The following CELF4 variants were observed in gnomAD, a reference collection of about 807,000 sequenced individuals.
CELF4 encodes the protein CUG-BP- and ETR-3-like factor 4.
A neutral mutation model predicts 59.9 loss-of-function variants in CELF4; 18 were observed. The ratio of observed to expected loss-of-function variants is 0.30; its 90% confidence interval spans 0.21 to 0.45. CELF4 has a LOEUF of 0.45. Ranked by LOEUF, CELF4 falls within the 20% of genes least tolerant of loss-of-function variation. The pLI, the probability that CELF4 is intolerant of heterozygous loss-of-function variation, is 1.00. For synonymous variants in CELF4, 261 were observed against 267.1 expected (o/e 0.98, Z 0.22); for missense variants, 456 against 689.0 (o/e 0.66, Z 3.79).
At chr18:37,262,408 G>C (rs537182077) in intron 10 of CELF4, among the ~76,000 whole-genome samples, 6 of 152,108 alleles carry the variant, frequency 3.9e-5, no homozygotes, top group Non-Finnish European at 7.4e-5. Context: ...GTGGGGGAGG[G>C]GGGGGCAGGA....
chr18:37,438,731 T>G (rs1265519175), intron 2 of CELF4, among the ~76,000 whole-genome samples: 1 of 152,154 alleles, frequency 6.6e-6, no homozygotes, highest in Non-Finnish European at 1.5e-5. Context: ...GGCAATTAAT[T>G]TCCCCTATAA....
intron 2 of CELF4, among the ~76,000 whole-genome samples, chr18:37,372,058 T>G (rs908332532): frequency 5.3e-5 from 8 of 152,256 alleles, no homozygotes; most frequent in Admixed American, 3.3e-4. Flanking sequence ...TCAACCATTG[T>G]GGAAGACAGT....
chr18:37,391,529 G>A (rs2099161687), intron 2 of CELF4, among the ~76,000 whole-genome samples: 1 of 152,178 alleles, frequency 6.6e-6, no homozygotes, highest in Non-Finnish European at 1.5e-5. Flanking sequence ...TCCGGGCTGG[G>A]CACCCTCCAC....
At chr18:37,507,777 A>G (rs1381327686) in intron 1 of CELF4, among the ~76,000 whole-genome samples, 1 of 152,152 alleles carries the variant, frequency 6.6e-6, no homozygotes, top group Non-Finnish European at 1.5e-5. Context: ...TCTCAGACAC[A>G]CAGCCACCTG....
At chr18:37,334,005 G>T (rs1404333845) in intron 2 of CELF4, among the ~76,000 whole-genome samples, 1 of 152,088 alleles carries the variant, frequency 6.6e-6, no homozygotes, top group Non-Finnish European at 1.5e-5. Context: ...TTGATTCCCT[G>T]AATGCCCAGC....
chr18:37,409,430 T>C (rs1283150662), intron 2 of CELF4, among the ~76,000 whole-genome samples: 1 of 152,190 alleles, frequency 6.6e-6, no homozygotes, highest in Non-Finnish European at 1.5e-5. Context: ...AGACAGTTAC[T>C]GCAGAGGAGG....
intron 8 of CELF4, among the ~76,000 whole-genome samples, chr18:37,267,549 C>T (rs2078254526): frequency 1.3e-5 from 2 of 152,130 alleles, no homozygotes; most frequent in Admixed American, 6.5e-5. Flanking sequence ...GAGGATGGAG[C>T]CCTAGGATGC....
chr18:37,395,574 G>GGGGT (rs2099234015), intron 2 of CELF4, among the ~76,000 whole-genome samples: 1 of 152,224 alleles, frequency 6.6e-6, no homozygotes, highest in Non-Finnish European at 1.5e-5. Context: ...AAAACACTAA[G>GGGGT]CCCCTGAGGG....
rs1000224328 is a variant in CELF4, at chr18:37,253,428, A to AG, written c.*44+338dup. Among the ~76,000 whole-genome samples the AG allele has an allele frequency of 2.6e-5, 4 of 152,158 alleles. No individual in the cohort carries two copies. The highest frequency in any genetic ancestry group is 2.6e-4 in the Admixed American group (4 of 15,282). Reference sequence around the variant, plus strand: ...GCCTGTTCTGCCCCCAACCTCCCTCAGCCTGAGCTTGCCACCTGTTCACCC... The same window carrying AG: ...GCCTGTTCTGCCCCCAACCTCCCTCAGGCCTGAGCTTGCCACCTGTTCACCC... On this transcript the variant is annotated intron_variant, in intron 12 of 12. Transcript: ENST00000420428. This position sits in a 1 kb window ranked among gnomAD's most constrained non-coding sequence, Gnocchi z 4.5.
intron 1 of CELF4, among the ~76,000 whole-genome samples, chr18:37,505,133 CA>C (rs1227147568): frequency 6.6e-6 from 1 of 151,712 alleles, no homozygotes; most frequent in Non-Finnish European, 1.5e-5. Context: ...GAAGCAGGGG[CA>C]GGGGGCAACT....
At chr18:37,452,456 G>A (rs2099766751) in intron 2 of CELF4, among the ~76,000 whole-genome samples, 1 of 152,114 alleles carries the variant, frequency 6.6e-6, no homozygotes, top group Non-Finnish European at 1.5e-5. Context: ...GCCCTGGCAA[G>A]CAGTTTCTCT....
At chr18:37,322,108 G>C (rs1368021470) in intron 2 of CELF4, among the ~76,000 whole-genome samples, 1 of 152,264 alleles carries the variant, frequency 6.6e-6, no homozygotes, top group East Asian at 1.9e-4. Context: ...TCTCTGGACA[G>C]GAGACTTTGA....
intron 2 of CELF4, among the ~76,000 whole-genome samples, chr18:37,349,837 T>A (rs1158471686): frequency 1.3e-5 from 2 of 151,974 alleles, no homozygotes; most frequent in African/African-American, 4.8e-5. Flanking sequence ...GTGCAAAGGC[T>A]CAGAGACAGA....
chr18:37,414,009 G>A (rs1171915621), intron 2 of CELF4, among the ~76,000 whole-genome samples: 1 of 152,182 alleles, frequency 6.6e-6, no homozygotes, highest in Non-Finnish European at 1.5e-5. Flanking sequence ...CTCCAACCCA[G>A]TCTGATCACC....
At chr18:37,476,337 C>T (rs1569569575) in intron 2 of CELF4, among the ~76,000 whole-genome samples, 1 of 152,362 alleles carries the variant, frequency 6.6e-6, no homozygotes, top group East Asian at 1.9e-4. Context: ...CACCATTAAA[C>T]ACACTGTGCT....
chr18:37,503,287 A>G (rs898347952), intron 1 of CELF4, among the ~76,000 whole-genome samples: 4 of 152,214 alleles, frequency 2.6e-5, no homozygotes, highest in Non-Finnish European at 4.4e-5. Flanking sequence ...TTCCAGGAGC[A>G]CTTGCAGCCA....
intron 3 of CELF4, among the ~76,000 whole-genome samples, chr18:37,309,090 G>A (rs747697167): frequency 7.2e-5 from 11 of 152,170 alleles, no homozygotes; most frequent in Non-Finnish European, 1.5e-4. Flanking sequence ...TATGTGGGGT[G>A]GGGGCATGAG....
intron 1 of CELF4, among the ~76,000 whole-genome samples, chr18:37,521,900 C>T (rs569237794): frequency 2.0e-4 from 30 of 152,208 alleles, no homozygotes; most frequent in Non-Finnish European, 3.5e-4. Flanking sequence ...ATCCAGCTTC[C>T]GTCTTTATTT....
chr18:37,521,956 G>A (rs983563673), intron 1 of CELF4, among the ~76,000 whole-genome samples: 19 of 152,260 alleles, frequency 1.2e-4, no homozygotes, highest in South Asian at 1.2e-3. Flanking sequence ...CACCTCCACC[G>A]TGCCGGGTTA....
Sources: gnomAD v4.1 joint callset for allele counts (sites outside exome capture counted in the v4.1 genomes callset) on GRCh38, gnomAD v4.1.1 for gene constraint, Gnocchi (gnomAD v3.1) non-coding constraint, MANE v1.5 for transcripts, NCBI Gene and HGNC (gene_info 2026-07-23, HGNC 2026-07-21) for gene names.